HDGFL3: variants seen among roughly 807,000 people sequenced by gnomAD.
HDGFL3 encodes hepatoma-derived growth factor-related protein 3.
A neutral mutation model predicts 27.6 loss-of-function variants in HDGFL3; 6 were observed. That is an observed-to-expected ratio of 0.22 (90% CI 0.12 to 0.43). The LOEUF is 0.43. Among genes scored for constraint, HDGFL3 ranks in the 20% least tolerant of loss-of-function variants. HDGFL3 has a pLI of 1.00. For synonymous variants in HDGFL3, 88 were observed against 88.9 expected, an observed-to-expected ratio of 0.99 and a Z score of 0.05; for missense variants, 207 against 250.1, an observed-to-expected ratio of 0.83 and a Z score of 1.16.
intron 3 of HDGFL3, among the ~76,000 whole-genome samples, chr15:83,120,327 C>T (rs893459351): frequency 9.9e-5 from 15 of 152,216 alleles, no homozygotes; most frequent in African/African-American, 9.7e-5. Flanking sequence ...CTGAAGTGAA[C>T]GACGTGCTCT....
chr15:83,117,020 G>C (rs1464834009), intron 3 of HDGFL3, among the ~76,000 whole-genome samples: 1 of 152,198 alleles, frequency 6.6e-6, no homozygotes, highest in Non-Finnish European at 1.5e-5. Context: ...AATTGTCCCA[G>C]GCACAGTGAG....
chr15:83,180,035 G>A (rs1398287630), intron 1 of HDGFL3, among the ~76,000 whole-genome samples: 2 of 151,864 alleles, frequency 1.3e-5, no homozygotes, highest in African/African-American at 4.8e-5. Flanking sequence ...GGTGGTGGGT[G>A]GAAATCCAAG....
chr15:83,160,571 CA>C (rs910184028), intron 2 of HDGFL3, among the ~76,000 whole-genome samples: 2 of 132,894 alleles, frequency 1.5e-5, no homozygotes, highest in Non-Finnish European at 3.2e-5. Context: ...TATTTGGGGG[CA>C]AAAAACTCAG....
exon 4 of HDGFL3, chr15:83,115,262 C>T (rs113474861): frequency 0.073 from 15,074 of 205,990 alleles, 668 homozygotes; most frequent in African/African-American, 0.12. Flanking sequence ...GGATTACAGG[C>T]GTGCACCACC....
chr15:83,193,297 G>A (rs990685082), intron 1 of HDGFL3, among the ~76,000 whole-genome samples: 3 of 152,092 alleles, frequency 2.0e-5, no homozygotes, highest in Non-Finnish European at 4.4e-5. Flanking sequence ...TTATTCCAAA[G>A]AAGACATACA....
chr15:83,158,549 A>G (rs1468875991), intron 2 of HDGFL3, among the ~76,000 whole-genome samples: 2 of 152,176 alleles, frequency 1.3e-5, no homozygotes, highest in African/African-American at 4.8e-5. Flanking sequence ...TCCAATGGAA[A>G]ATGAACAATT....
chr15:83,185,568 C>T (rs983132159), intron 1 of HDGFL3, among the ~76,000 whole-genome samples: 10 of 152,018 alleles, frequency 6.6e-5, no homozygotes, highest in Non-Finnish European at 1.0e-4. Context: ...TACCCGGAGG[C>T]GAGAGGATCA....
rs536715017 is a variant in HDGFL3 at position 83,133,458 on chromosome 15, G to C, written c.*5812C>G. On this transcript the variant is annotated 3_prime_UTR_variant, in exon 6 of 6. Transcript: ENST00000299633. ...CTTTGTTCACCTTATTGTCTCATTT[G>C]CCATTCCAATCATCCATTCTTAAAA... The C allele has an allele frequency of 6.6e-6, 1 of 152,112 alleles. No individual in the cohort carries two copies. The highest frequency in any genetic ancestry group is 2.1e-4 in the South Asian group (1 of 4,820). 9.4% of individuals were successfully genotyped at this position (152,112 alleles called of 1,614,324 possible). A position where few individuals can be genotyped will look rare whatever the true frequency, so the allele number is the denominator to read the frequency against.
chr15:83,139,893 G>T (rs1038679167), intron 5 of HDGFL3, among the ~76,000 whole-genome samples: 1 of 152,228 alleles, frequency 6.6e-6, no homozygotes, highest in African/African-American at 2.4e-5. Flanking sequence ...TTTCATAAAA[G>T]AATTATGTTT....
intron 3 of HDGFL3, among the ~76,000 whole-genome samples, chr15:83,118,229 G>C (rs903859584): frequency 7.8e-6 from 1 of 128,388 alleles, no homozygotes; most frequent in Admixed American, 7.5e-5. Flanking sequence ...GTCTCTGTAC[G>C]TACACACACA....
intron 1 of HDGFL3, among the ~76,000 whole-genome samples, chr15:83,202,757 C>T (rs1402585170): frequency 1.3e-5 from 2 of 152,116 alleles, no homozygotes; most frequent in Non-Finnish European, 2.9e-5. Context: ...CAGATCAAGA[C>T]AGGGAACATT....
chr15:83,146,478 T>C (rs1032984193), intron 5 of HDGFL3, among the ~76,000 whole-genome samples: 1 of 152,194 alleles, frequency 6.6e-6, no homozygotes, highest in Admixed American at 6.5e-5. Context: ...TATCACCATT[T>C]ATATTTCCAG....
At chr15:83,170,080 CA>C (rs1323325078) in intron 1 of HDGFL3, among the ~76,000 whole-genome samples, 2 of 152,140 alleles carry the variant, frequency 1.3e-5, no homozygotes, top group Non-Finnish European at 2.9e-5. Flanking sequence ...ATGACACAAA[CA>C]AATGGGAAAA....
At chr15:83,120,704 G>A (rs895299487) in intron 3 of HDGFL3, among the ~76,000 whole-genome samples, 6 of 151,374 alleles carry the variant, frequency 4.0e-5, no homozygotes, top group South Asian at 2.1e-4. Flanking sequence ...GACTACAGGC[G>A]TGTGTCACTA....
chr15:83,144,016 C>T (rs1211372967), intron 5 of HDGFL3, among the ~76,000 whole-genome samples: 1 of 152,084 alleles, frequency 6.6e-6, no homozygotes, highest in Non-Finnish European at 1.5e-5. Context: ...CCCAACTTAC[C>T]GATACGGCAC....
At chr15:83,152,674 C>T (rs2151399618) in intron 4 of HDGFL3, among the ~76,000 whole-genome samples, 2 of 146,770 alleles carry the variant, frequency 1.4e-5, no homozygotes, top group East Asian at 4.0e-4. Context: ...CAGAGTTAGA[C>T]TCTGTCTCGA....
At chr15:83,147,182 C>T (rs1361304977) in intron 5 of HDGFL3, among the ~76,000 whole-genome samples, 1 of 152,056 alleles carries the variant, frequency 6.6e-6, no homozygotes, top group Non-Finnish European at 1.5e-5. Context: ...AGTGCCTCAG[C>T]CTCCCGAGTA....
intron 5 of HDGFL3, among the ~76,000 whole-genome samples, chr15:83,147,933 G>GT (rs1244028015): frequency 6.6e-6 from 1 of 152,176 alleles, no homozygotes; most frequent in Non-Finnish European, 1.5e-5. Context: ...CTACAAATCA[G>GT]TAAGAAATGA....
downstream of HDGFL3, among the ~76,000 whole-genome samples, chr15:83,125,504 T>C (rs2035663205): frequency 6.6e-6 from 1 of 152,202 alleles, no homozygotes; most frequent in South Asian, 2.1e-4. Flanking sequence ...AGTATTGTTT[T>C]GGAGATTAAA....
Sources: gnomAD v4.1 joint callset for allele counts (sites outside exome capture counted in the v4.1 genomes callset) on GRCh38, gnomAD v4.1.1 for gene constraint, MANE v1.5 for transcripts, NCBI Gene and HGNC (gene_info 2026-07-23, HGNC 2026-07-21) for gene names.